The following CDH4 variants were observed in gnomAD, a reference collection of about 807,000 sequenced individuals.
CDH4 encodes the protein cadherin 4.
Under a neutral mutation model 86.0 loss-of-function variants are expected in CDH4, and 33 were observed. The ratio of observed to expected loss-of-function variants is 0.38; its 90% CI spans 0.29 to 0.51. The LOEUF (loss-of-function observed/expected upper bound fraction) is 0.51, where lower values mean the gene tolerates loss of function less well. Ranked by LOEUF, CDH4 falls within the 20% of genes least tolerant of loss-of-function variation. CDH4 has a pLI of 0.86. For synonymous variants in CDH4, 555 were observed against 549.4 expected, an observed-to-expected ratio of 1.01 and a Z score of -0.14; for missense variants, 1,114 against 1,307.4, an observed-to-expected ratio of 0.85 and a Z score of 2.28.
chr20:61,600,846 G>A (rs1420687024), intron 2 of CDH4, among the ~76,000 whole-genome samples: 1 of 151,798 alleles, frequency 6.6e-6, no homozygotes, highest in African/African-American at 2.4e-5. Flanking sequence ...TAAATATTTC[G>A]GTCCTCAGTT....
chr20:61,915,346 A>G (rs1358231569), intron 9 of CDH4, among the ~76,000 whole-genome samples: 2 of 152,236 alleles, frequency 1.3e-5, no homozygotes, highest in Non-Finnish European at 2.9e-5. Context: ...GTCCTCTTCC[A>G]GGGCATCCTG....
chr20:61,262,539 T>A (rs1461880745), intron 2 of CDH4, among the ~76,000 whole-genome samples: 1 of 152,168 alleles, frequency 6.6e-6, no homozygotes, highest in East Asian at 1.9e-4. Context: ...TGTGGCTTCT[T>A]TGTTTCAGAA....
chr20:61,393,344 G>GC lies in CDH4; in HGVS notation c.169+138407_169+138408insC, dbSNP rs1308525639. ...CCAGTGGTGTGGGGGACAGCAGCCG[G>GC]GGGGGGCCGGGGTCTTCCTTACCTC... On this transcript the variant is annotated intron_variant, in intron 2 of 15. Coordinates refer to ENST00000614565, the MANE Select transcript of CDH4 (RefSeq NM_001794.5). The surrounding 1 kb of genome is among the most constrained non-coding windows in gnomAD (Gnocchi z 4.3). Among the ~76,000 whole-genome samples, 10 of 151,944 alleles carry GC rather than the reference G, an allele frequency of 6.6e-5. No homozygotes were observed. In the East Asian group the frequency reaches 1.2e-3, roughly 18 times the overall value.
chr20:61,844,084 C>T (rs1457361196), intron 4 of CDH4, among the ~76,000 whole-genome samples: 1 of 152,316 alleles, frequency 6.6e-6, no homozygotes, highest in South Asian at 2.1e-4. Flanking sequence ...TCAATCTTTG[C>T]TCAAAAACCA....
At chr20:61,349,805 G>A (rs1246393627) in intron 2 of CDH4, among the ~76,000 whole-genome samples, 1 of 152,190 alleles carries the variant, frequency 6.6e-6, no homozygotes, top group African/African-American at 2.4e-5. Flanking sequence ...GTGGAAAGGA[G>A]CATGTGCTCC....
At chr20:61,622,503 G>A (rs972738068) in intron 2 of CDH4, among the ~76,000 whole-genome samples, 1 of 152,272 alleles carries the variant, frequency 6.6e-6, no homozygotes, top group Non-Finnish European at 1.5e-5. Context: ...CCAGACACTT[G>A]TGGCCCATGC....
chr20:61,411,121 T>TCCAC (rs777686694), intron 2 of CDH4, among the ~76,000 whole-genome samples: 2 of 92,898 alleles, frequency 2.2e-5, no homozygotes, highest in African/African-American at 2.3e-4. Flanking sequence ...CGTCTTTCCT[T>TCCAC]CCATCCATCC....
At chr20:61,330,565 T>C (rs763076619) in intron 2 of CDH4, among the ~76,000 whole-genome samples, 3 of 152,244 alleles carry the variant, frequency 2.0e-5, no homozygotes, top group Non-Finnish European at 4.4e-5. Flanking sequence ...GGCAGTTGCC[T>C]TCAAGAAAAG....
chr20:61,713,120 CCTCT>C (rs2087910806), intron 2 of CDH4, among the ~76,000 whole-genome samples: 1 of 152,188 alleles, frequency 6.6e-6, no homozygotes, highest in African/African-American at 2.4e-5. Flanking sequence ...CCTTATCCCT[CCTCT>C]CTCTGGGCAG....
At chr20:61,934,301 T>C in intron 15 of CDH4, 81 bp downstream of exon 15, 1 of 1,425,314 alleles carries the variant, frequency 7.0e-7, no homozygotes, top group Non-Finnish European at 9.3e-7. Context: ...ACAGAAGCCA[T>C]CTCCACAGTG....
chr20:61,899,283 CAA>C (rs66506614), intron 8 of CDH4, among the ~76,000 whole-genome samples: 5 of 134,230 alleles, frequency 3.7e-5, no homozygotes, highest in African/African-American at 2.6e-5. Context: ...TAGCCTGTCT[CAA>C]AAAAAAAAAA....
At position 61,623,668 on chromosome 20, in the gene CDH4, G is replaced by C. The variant is rs1236336200; in HGVS notation, c.170-119895G>C. Among the ~76,000 whole-genome samples the C allele has an allele frequency of 6.6e-6, 1 of 152,130 alleles. No individual in the cohort carries two copies. Among genetic ancestry groups the C allele is most frequent in the Non-Finnish European group, 1.5e-5 (1 of 68,036 alleles). On this transcript the variant is annotated intron_variant, in intron 2 of 15. Transcript: ENST00000614565. The surrounding 1 kb of genome is among the most constrained non-coding windows in gnomAD (Gnocchi z 4.4). ...CTGAGGGAGGTTCTGACGTCACCAC[G>C]CAGCCCTGGGGACCAGCCATCCCCA...
At chr20:61,321,736 C>T (rs1308135968) in intron 2 of CDH4, among the ~76,000 whole-genome samples, 1 of 152,116 alleles carries the variant, frequency 6.6e-6, no homozygotes, top group Admixed American at 6.5e-5. Context: ...GGAGATGCTG[C>T]GTGCCACGCA....
At chr20:61,649,162 G>T (rs544399277) in intron 2 of CDH4, among the ~76,000 whole-genome samples, 1 of 152,168 alleles carries the variant, frequency 6.6e-6, no homozygotes, top group African/African-American at 2.4e-5. Flanking sequence ...ACGTGTGTCT[G>T]CCAGTGGGCT....
At chr20:61,771,014 T>TC (rs2088769405) in intron 3 of CDH4, among the ~76,000 whole-genome samples, 1 of 126,366 alleles carries the variant, frequency 7.9e-6, no homozygotes, top group African/African-American at 2.7e-5. Flanking sequence ...TTTTTTCTTT[T>TC]TTTTTTTTTT....
intron 2 of CDH4, among the ~76,000 whole-genome samples, chr20:61,715,465 C>G (rs2087942726): frequency 6.6e-6 from 1 of 152,140 alleles, no homozygotes; most frequent in Non-Finnish European, 1.5e-5. Flanking sequence ...GGGAAGGCAT[C>G]ACATGGTGAC....
At chr20:61,782,620 G>A (rs11906516) in intron 4 of CDH4, among the ~76,000 whole-genome samples, 10,517 of 152,106 alleles carry the variant, frequency 0.069, 657 homozygotes, top group East Asian at 0.16. Flanking sequence ...ACAACAGTAG[G>A]AGAAAAACTA....
chr20:61,682,752 G>A (rs935149315), intron 2 of CDH4, among the ~76,000 whole-genome samples: 2 of 152,172 alleles, frequency 1.3e-5, no homozygotes, highest in African/African-American at 4.8e-5. Context: ...CTGGCTTAGT[G>A]AAGAGGAAGC....
chr20:61,287,690 T>C (rs1004422903), intron 2 of CDH4, among the ~76,000 whole-genome samples: 1 of 152,148 alleles, frequency 6.6e-6, no homozygotes, highest in East Asian at 1.9e-4. Flanking sequence ...CTGGGCCTCT[T>C]GCTGGGGTGG....
Sources: gnomAD v4.1 joint callset for allele counts (sites outside exome capture counted in the v4.1 genomes callset) on GRCh38, gnomAD v4.1.1 for gene constraint, Gnocchi (gnomAD v3.1) non-coding constraint, MANE v1.5 for transcripts, NCBI Gene and HGNC (gene_info 2026-07-23, HGNC 2026-07-21) for gene names.